ACCSL: variants seen among roughly 807,000 people sequenced by gnomAD.
The protein encoded by ACCSL is probable inactive 1-aminocyclopropane-1-carboxylate synthase-like protein 2.
A neutral mutation model predicts 61.7 loss-of-function variants in ACCSL; 55 were observed. The observed-to-expected ratio is 0.89, with a 90% CI of 0.72 to 1.12. ACCSL has a LOEUF of 1.12. ACCSL is among the 50% of genes most tolerant of loss of function. The pLI is 0.00. For synonymous variants in ACCSL, 258 were observed against 264.3 expected (o/e 0.98, Z 0.23); for missense variants, 632 against 698.0 (o/e 0.91, Z 1.07).
the ACCSL span, among the ~76,000 whole-genome samples, chr11:44,013,459 T>C: frequency 6.6e-6 from 1 of 151,776 alleles, no homozygotes; most frequent in South Asian, 2.1e-4. Context: ...TTTGTACTTT[T>C]AGTAGAGATG....
the ACCSL span, among the ~76,000 whole-genome samples, chr11:43,953,339 T>C: frequency 6.6e-6 from 1 of 151,972 alleles, no homozygotes; most frequent in African/African-American, 2.4e-5. Context: ...GAGACCAGCA[T>C]GGTGAAACCC....
the ACCSL span, among the ~76,000 whole-genome samples, chr11:43,980,957 A>C: frequency 1.1e-3 from 175 of 152,334 alleles, 2 homozygotes; most frequent in Non-Finnish European, 1.5e-3. Context: ...GCATCACTGC[A>C]TGGCCTCCCT....
At chr11:43,942,667 C>A in the ACCSL span, 1 of 229,632 alleles carries the variant, frequency 4.4e-6, no homozygotes. Context: ...GCGAGCGCCT[C>A]GGAGCGCGGC....
the ACCSL span, among the ~76,000 whole-genome samples, chr11:43,937,266 G>A: frequency 5.3e-5 from 8 of 152,288 alleles, no homozygotes; most frequent in East Asian, 7.7e-4. Flanking sequence ...TGGGGAAGGC[G>A]GACAGTACAG....
chr11:44,053,616 A>T, intron 8 of ACCSL, 110 bp downstream of exon 8: 3 of 990,294 alleles, frequency 3.0e-6, no homozygotes, highest in Non-Finnish European at 1.5e-6. Context: ...TAATCCCAGC[A>T]CTTTGGGAGG....
At position 44,058,418 on chromosome 11, in the gene ACCSL, A is replaced by T. The variant is rs1391900797; in HGVS notation, c.1429A>T (p.Asn477Tyr). 5 of 1,614,014 alleles carry T rather than the reference A, an allele frequency of 3.1e-6. No homozygotes were observed. The African/African-American group carries it at 6.7e-5, about 22-fold the overall frequency. ...GAAGGCATTGGAGATCCCTTTTCAC[A>T]ACCGCAGCTCTGGCCTCTATGTCTG... ...ELKALEIPFHNRSSGLYVWIN... is the reference protein window; with the variant it reads ...ELKALEIPFHYRSSGLYVWIN... The change falls in exon 12 of 14, where the codon AAC (asparagine) becomes TAC (tyrosine). Residue 477 changes from asparagine to tyrosine, a missense_variant. By Grantham distance (143) the Asn-to-Tyr change is moderately radical. Transcript: ENST00000378832.
the ACCSL span, among the ~76,000 whole-genome samples, chr11:44,016,027 G>A: frequency 6.6e-6 from 1 of 152,088 alleles, no homozygotes; most frequent in Non-Finnish European, 1.5e-5. Context: ...TTGAAAAAGG[G>A]ACCCTTACTC....
chr11:44,051,524 T>A (rs1458346029), intron 4 of ACCSL, 120 bp downstream of exon 4: 83 of 1,530,326 alleles, frequency 5.4e-5, no homozygotes, highest in Non-Finnish European at 7.4e-5. Context: ...CAGGGCAGCA[T>A]GAAGGCCAAT....
the ACCSL span, among the ~76,000 whole-genome samples, chr11:44,007,518 C>T: frequency 6.6e-6 from 1 of 152,218 alleles, no homozygotes; most frequent in African/African-American, 2.4e-5. Context: ...GCCCTCTTCT[C>T]TGTCCCAGGA....
the ACCSL span, among the ~76,000 whole-genome samples, chr11:43,930,226 G>A: frequency 6.6e-6 from 1 of 152,220 alleles, no homozygotes; most frequent in African/African-American, 2.4e-5. Context: ...CCTGGCCTGT[G>A]TCCTGGCATA....
chr11:44,008,431 G>A, the ACCSL span, among the ~76,000 whole-genome samples: 2 of 152,216 alleles, frequency 1.3e-5, no homozygotes, highest in African/African-American at 2.4e-5. Flanking sequence ...AGGGCTCTCA[G>A]GGCAAAAAGC....
At chr11:43,945,698 A>C in the ACCSL span, 1 of 140,402 alleles carries the variant, frequency 7.1e-6, no homozygotes, top group Non-Finnish European at 1.6e-5. Context: ...AAAAAAAAAA[A>C]TTAGCCGGAC....
the ACCSL span, among the ~76,000 whole-genome samples, chr11:44,011,022 C>T: frequency 4.5e-4 from 68 of 152,290 alleles, 1 homozygote; most frequent in African/African-American, 1.6e-3. Flanking sequence ...GAGCCTGTAA[C>T]CTGGGGCGCT....
chr11:43,947,760 A>C, the ACCSL span, among the ~76,000 whole-genome samples: 55 of 28,114 alleles, frequency 2.0e-3, no homozygotes, highest in Non-Finnish European at 4.1e-3. Flanking sequence ...AGAGAGAGAG[A>C]GAGAGGGAGA....
At chr11:44,033,189 C>T in the ACCSL span, among the ~76,000 whole-genome samples, 3 of 152,160 alleles carry the variant, frequency 2.0e-5, no homozygotes. Flanking sequence ...CCTCTCCAGC[C>T]CTCCTCCCTG....
chr11:43,966,443 A>G, the ACCSL span, among the ~76,000 whole-genome samples: 5 of 152,074 alleles, frequency 3.3e-5, no homozygotes, highest in African/African-American at 1.2e-4. Context: ...AAAAAAAGAA[A>G]AAAAAATTAA....
chr11:43,987,024 G>A, the ACCSL span, among the ~76,000 whole-genome samples: 1 of 152,252 alleles, frequency 6.6e-6, no homozygotes, highest in South Asian at 2.1e-4. Flanking sequence ...CCAAGTACTG[G>A]CATGGTGTGG....
the ACCSL span, among the ~76,000 whole-genome samples, chr11:44,031,849 G>A: frequency 6.6e-6 from 1 of 152,154 alleles, no homozygotes; most frequent in Non-Finnish European, 1.5e-5. Context: ...GCGGATGCAG[G>A]TGGACAGTCG....
chr11:44,052,598 A>G (rs1952646059), intron 5 of ACCSL, 64 bp from the exon 6 acceptor site: 1 of 1,403,742 alleles, frequency 7.1e-7, no homozygotes, highest in Non-Finnish European at 1.0e-6. Context: ...TAGTTTGGGG[A>G]GCCTGGCAAC....
Sources: gnomAD v4.1 joint callset for allele counts (sites outside exome capture counted in the v4.1 genomes callset) on GRCh38, gnomAD v4.1.1 for gene constraint, MANE v1.5 for transcripts, NCBI Gene and HGNC (gene_info 2026-07-23, HGNC 2026-07-21) for gene names.